Variants in TBC1D12 observed in about 807,000 individuals in gnomAD.
TBC1D12 encodes TBC1 domain family member 12.
In TBC1D12, 56 loss-of-function variants were observed where a neutral mutation model predicts 86.7. That is an observed-to-expected ratio of 0.65 (90% CI 0.52 to 0.81). The LOEUF (loss-of-function observed/expected upper bound fraction) is 0.81, where lower values mean the gene tolerates loss of function less well. TBC1D12 is among the 30% of genes least tolerant of loss of function. The pLI, the probability that TBC1D12 is intolerant of heterozygous loss-of-function variation, is 0.00. For synonymous variants in TBC1D12, 421 were observed against 411.7 expected, an observed-to-expected ratio of 1.02 and a Z score of -0.27; for missense variants, 1,023 against 1,038.8, an observed-to-expected ratio of 0.98 and a Z score of 0.21.
At chr10:94,500,386 TAGC>T (rs2056379376) in intron 6 of TBC1D12, 59 bp downstream of exon 6, 2 of 1,425,524 alleles carry the variant, frequency 1.4e-6, no homozygotes, top group South Asian at 1.2e-5. Context: ...CAGAGTTACA[TAGC>T]AGATTAGTAG....
At chr10:94,531,709 T>TTTATGTTATTTTATG (rs1842425464) in intron 12 of TBC1D12, among the ~76,000 whole-genome samples, 1 of 81,922 alleles carries the variant, frequency 1.2e-5, no homozygotes, top group Non-Finnish European at 2.6e-5. Flanking sequence ...GTTATGTTAT[T>TTTATGTTATTTTATG]TTATGTTATT....
intron 2 of TBC1D12, among the ~76,000 whole-genome samples, chr10:94,469,184 C>T (rs537590050): frequency 1.1e-3 from 174 of 152,198 alleles, no homozygotes; most frequent in Non-Finnish European, 2.1e-3. Flanking sequence ...CAATGTCTTA[C>T]ATCCAACAAA....
At position 94,439,023 on chromosome 10, in the gene TBC1D12, C is replaced by T. The variant is rs374283261; in HGVS notation, c.972-2873C>T. 1.2e-4 allele frequency among the ~76,000 whole-genome samples: 18 copies of T among 152,038 alleles called. No individual in the cohort carries two copies. In the East Asian group the frequency reaches 2.3e-3, roughly 20 times the overall value. On this transcript the variant is annotated intron_variant, in intron 1 of 12. Coordinates refer to ENST00000225235, the MANE Select transcript of TBC1D12 (RefSeq NM_015188.2). ...TTCGCCATGTTGCCCAGGCTGGTCT[C>T]GAACTCCTGACCTCAGGTGATCCAC...
At chr10:94,451,170 A>G (rs2055544167) in intron 2 of TBC1D12, among the ~76,000 whole-genome samples, 1 of 152,102 alleles carries the variant, frequency 6.6e-6, no homozygotes, top group African/African-American at 2.4e-5. Context: ...AAATAGCAAG[A>G]AGGAGGATAT....
chr10:94,459,489 C>T (rs941769875), intron 2 of TBC1D12, among the ~76,000 whole-genome samples: 10 of 152,266 alleles, frequency 6.6e-5, no homozygotes, highest in East Asian at 1.9e-4. Context: ...CCGCGCTGTG[C>T]GCCCGCATTC....
rs1011558758 is a variant in TBC1D12, at chr10:94,503,031, A to C, written c.1519+2704A>C. Among the ~76,000 whole-genome samples, 8 of 152,208 alleles carry C rather than the reference A, an allele frequency of 5.3e-5. No individual in the cohort carries two copies. In the East Asian group the frequency reaches 1.5e-3, roughly 29 times the overall value. ...GCTTTTCTTTTTTATTTTTTCACCC[A>C]CAATTTATGCCATAAGGTTATTCTG... On this transcript the variant is annotated intron_variant, in intron 6 of 12. Coordinates refer to ENST00000225235, the MANE Select transcript of TBC1D12 (RefSeq NM_015188.2).
chr10:94,429,426 A>G (rs1348271864), intron 1 of TBC1D12, among the ~76,000 whole-genome samples: 1 of 152,170 alleles, frequency 6.6e-6, no homozygotes, highest in African/African-American at 2.4e-5. Flanking sequence ...GTCAGCTGAA[A>G]GTTTTTTCCA....
chr10:94,462,001 A>G (rs1397996771), intron 2 of TBC1D12, among the ~76,000 whole-genome samples: 2 of 152,110 alleles, frequency 1.3e-5, no homozygotes, highest in Admixed American at 6.6e-5. Flanking sequence ...TGGAATGGCA[A>G]TTTCTAAGCT....
intron 2 of TBC1D12, among the ~76,000 whole-genome samples, chr10:94,458,759 C>T (rs972954376): frequency 4.6e-5 from 7 of 152,058 alleles, no homozygotes; most frequent in African/African-American, 1.4e-4. Context: ...GGTGGTGCGT[C>T]TGGAGTTGTT....
chr10:94,521,327 A>G (rs1315360529), intron 9 of TBC1D12, among the ~76,000 whole-genome samples: 2 of 152,114 alleles, frequency 1.3e-5, no homozygotes, highest in Non-Finnish European at 2.9e-5. Context: ...CTTTTACTCA[A>G]GGTCTTTCAC....
chr10:94,431,848 G>A (rs1405526373), intron 1 of TBC1D12, among the ~76,000 whole-genome samples: 1 of 152,150 alleles, frequency 6.6e-6, no homozygotes, highest in Non-Finnish European at 1.5e-5. Flanking sequence ...GGTCCCTCAG[G>A]TGGGGATGAA....
chr10:94,453,407 ATG>A (rs1435031261), intron 2 of TBC1D12, among the ~76,000 whole-genome samples: 2 of 152,198 alleles, frequency 1.3e-5, no homozygotes, highest in East Asian at 1.9e-4. Context: ...GTGTGTGCAT[ATG>A]TGAGTGTGTG....
intron 4 of TBC1D12, among the ~76,000 whole-genome samples, chr10:94,496,528 A>C (rs1489064067): frequency 6.6e-6 from 1 of 152,162 alleles, no homozygotes; most frequent in Non-Finnish European, 1.5e-5. Context: ...TTGTAGGAAA[A>C]ATGGGTATTG....
chr10:94,515,897 G>A (rs992516695), intron 9 of TBC1D12, among the ~76,000 whole-genome samples: 3 of 133,954 alleles, frequency 2.2e-5, no homozygotes, highest in African/African-American at 8.3e-5. Flanking sequence ...ATGGCTACTA[G>A]GCAGGTGGGT....
intron 2 of TBC1D12, among the ~76,000 whole-genome samples, chr10:94,465,374 G>T (rs528270324): frequency 6.6e-6 from 1 of 152,106 alleles, no homozygotes; most frequent in African/African-American, 2.4e-5. Flanking sequence ...AGGCCCGGGC[G>T]CAGTGGCCCA....
At chr10:94,447,606 T>C in intron 2 of TBC1D12, 1 of 985,238 alleles carries the variant, frequency 1.0e-6, no homozygotes, top group Non-Finnish European at 1.2e-6. Flanking sequence ...TATTACTTTT[T>C]GAGGATTATC....
chr10:94,453,418 TGA>T (rs1418148346), intron 2 of TBC1D12, among the ~76,000 whole-genome samples: 1 of 152,212 alleles, frequency 6.6e-6, no homozygotes, highest in Non-Finnish European at 1.5e-5. Context: ...TGTGAGTGTG[TGA>T]GAGAACACAT....
intron 1 of TBC1D12, among the ~76,000 whole-genome samples, chr10:94,414,252 TC>T: frequency 6.6e-6 from 1 of 152,178 alleles, no homozygotes; most frequent in Non-Finnish European, 1.5e-5. Flanking sequence ...TCCACGTTAT[TC>T]TTGTTAAGGT....
intron 1 of TBC1D12, among the ~76,000 whole-genome samples, chr10:94,426,126 C>T (rs1200940199): frequency 6.6e-6 from 1 of 152,020 alleles, no homozygotes; most frequent in African/African-American, 2.4e-5. Flanking sequence ...TTTTTCCTTT[C>T]TACTCTTTGA....
Sources: allele counts gnomAD v4.1 joint callset (sites outside exome capture counted in the v4.1 genomes callset), GRCh38; gene constraint gnomAD v4.1.1; transcripts MANE v1.5; gene names NCBI Gene and HGNC (gene_info 2026-07-23, HGNC 2026-07-21).